The following B4GALNT1 variants were observed in gnomAD, a reference collection of about 807,000 sequenced individuals.
B4GALNT1 encodes beta-1,4-N-acetyl-galactosaminyltransferase 1, also known as beta-1,4 N-acetylgalactosaminyltransferase 1.
In B4GALNT1, 43 loss-of-function variants were observed where a neutral mutation model predicts 55.2. That is an observed-to-expected ratio of 0.78 (90% CI 0.61 to 1.00). The LOEUF is 1.00. Ranked by LOEUF, B4GALNT1 falls within the 50% of genes least tolerant of loss-of-function variation. The probability of loss-of-function intolerance (pLI) is 0.00; values close to 1 mark genes in which losing one functional copy is unlikely to be tolerated. For synonymous variants in B4GALNT1, 305 were observed against 311.6 expected (o/e 0.98, Z 0.22); for missense variants, 664 against 729.7 (o/e 0.91, Z 1.04).
rs770271939 is a variant in B4GALNT1, at chr12:57,623,785, G to A, written c.*2959C>T. 146 of 1,516,584 alleles carry A rather than the reference G, an allele frequency of 9.6e-5. 1 individual carries two copies. In the Middle Eastern group the frequency reaches 1.9e-3, roughly 20 times the overall value. 93.9% of individuals were successfully genotyped at this position (1,516,584 alleles called of 1,614,324 possible). A position where few individuals can be genotyped will look rare whatever the true frequency, so the allele number is the denominator to read the frequency against. On this transcript the variant is annotated 3_prime_UTR_variant, in exon 11 of 11. Coordinates refer to ENST00000341156, the MANE Select transcript of B4GALNT1 (RefSeq NM_001478.5). ...TGGGCAGGAAGACCAGCTCTCATGT[G>A]GGGGTGGGAGGCTCTCTTCCTTTTT...
Position 57,625,366 on chromosome 12 carries a change from T to TA in B4GALNT1, c.*1377dup, listed in dbSNP as rs946385664. On this transcript the variant is annotated 3_prime_UTR_variant, in exon 11 of 11. Coordinates refer to ENST00000341156, the MANE Select transcript of B4GALNT1 (RefSeq NM_001478.5). The stretch of plus-strand genomic sequence containing the variant: ...GAGAAACCCCTTAGCATCTCACTCA[T>TA]ACCCTCTGATCTGGGACTTAACCCC... The TA allele has an allele frequency of 2.5e-6, 4 of 1,613,986 alleles. No homozygotes were observed. The highest frequency in any genetic ancestry group is 1.6e-4 in the Middle Eastern group (1 of 6,084).
At chr12:57,632,517 C>G (rs1395696754) in intron 1 of B4GALNT1, 1 of 336,100 alleles carries the variant, frequency 3.0e-6, no homozygotes, top group Non-Finnish European at 5.7e-6. Flanking sequence ...CGGCGCGCCC[C>G]CGACTCCTCA....
In B4GALNT1 at chr12:57,623,543, G is replaced by T; in HGVS notation, c.*3201C>A. The T allele has an allele frequency of 2.0e-6, 1 of 498,400 alleles. No homozygotes were observed. Among genetic ancestry groups the T allele is most frequent in the South Asian group, 2.5e-5 (1 of 40,408 alleles). The allele number at this position is 498,400 out of a possible 1,614,324, so 30.9% of individuals were successfully genotyped here. ...CTGGTGCCCTAAACACATATACCCT[G>T]CTTATAGGGTAACCCAACAGTGGCT... On this transcript the variant is annotated 3_prime_UTR_variant, in exon 11 of 11. Transcript: ENST00000341156.
At chr12:57,627,519 G>A in intron 10 of B4GALNT1, 99 bp downstream of exon 10, 2 of 1,438,718 alleles carry the variant, frequency 1.4e-6, no homozygotes, top group Non-Finnish European at 1.8e-6. Flanking sequence ...TCCCGCTGGC[G>A]GCTGGGCGCG....
intron 7 of B4GALNT1, 30 bp from the exon 8 acceptor site, chr12:57,628,933 G>T (rs749312838): frequency 1.2e-6 from 2 of 1,613,480 alleles, no homozygotes; most frequent in Admixed American, 3.3e-5. Context: ...GTTGGGTGCA[G>T]ACAAGGAGGG....
At chr12:57,630,663 T>C (rs544063075) in intron 4 of B4GALNT1, 145 bp from the exon 5 acceptor site, 29 of 1,037,550 alleles carry the variant, frequency 2.8e-5, no homozygotes, top group Non-Finnish European at 3.6e-5. Flanking sequence ...CTGTATAACA[T>C]AGCCTACAGT....
chr12:57,630,580 C>A, intron 4 of B4GALNT1, 62 bp from the exon 5 acceptor site: 1 of 1,523,614 alleles, frequency 6.6e-7, no homozygotes, highest in Non-Finnish European at 8.8e-7. Context: ...TTCTCATTTT[C>A]TCTCCCTGCT....
chr12:57,631,357 C>G lies in B4GALNT1; in HGVS notation c.226G>C (p.Ala76Pro). Reference sequence around the variant, plus strand: ...GACTCACAACTGCAGTTGTTCCAAGCCAGCAGCCTGAAGGGGGTAGGTAGT... The same window carrying G: ...GACTCACAACTGCAGTTGTTCCAAGGCAGCAGCCTGAAGGGGGTAGGTAGT... ...RIKEQVVGLL[A>P]WNNCSCESSG... The change falls in exon 3 of 11, where the codon GCT becomes CCT. Residue 76 changes from alanine to proline, a missense_variant. By Grantham distance (27) the Ala-to-Pro change is conservative (BLOSUM62 -1). Transcript: ENST00000341156. 1 of 1,614,016 alleles carries G rather than the reference C, an allele frequency of 6.2e-7. No homozygotes were observed. The highest frequency in any genetic ancestry group is 8.5e-7 in the Non-Finnish European group (1 of 1,179,942).
rs774894 is a variant in B4GALNT1 at position 57,625,712 on chromosome 12, C to T, written c.*1032G>A. ...TGTTAAGGGGCAGTAGCACCAGGAG[C>T]GGGAGCCAGGAGGCACTGGGCTGCG... On this transcript the variant is annotated 3_prime_UTR_variant, in exon 11 of 11. Coordinates refer to ENST00000341156, the MANE Select transcript of B4GALNT1 (RefSeq NM_001478.5). The T allele has an allele frequency of 0.02, 30,603 of 1,539,452 alleles. 441 individuals are homozygous for T. Among genetic ancestry groups the T allele is most frequent in the African/African-American group, 0.063 (4,588 of 72,640 alleles).
intron 4 of B4GALNT1, 122 bp downstream of exon 4, chr12:57,630,858 G>T: frequency 1.0e-6 from 1 of 979,790 alleles, no homozygotes; most frequent in Non-Finnish European, 1.5e-6. Flanking sequence ...TTGAGCTTAA[G>T]TCCCCCATTC....
At chr12:57,631,127 G>A in intron 3 of B4GALNT1, 41 bp from the exon 4 acceptor site, 16 of 1,609,028 alleles carry the variant, frequency 9.9e-6, no homozygotes, top group Non-Finnish European at 1.3e-5. Context: ...GAGTCGGGGG[G>A]AGAGGGTCTC....
Position 57,623,496 on chromosome 12 carries a change from AT to A in B4GALNT1, c.*3247del. On this transcript the variant is annotated 3_prime_UTR_variant, in exon 11 of 11. Transcript: ENST00000341156. ...TCACATATCAAAGTCTCCCCCTAATATTTTTGGTTTCCCTTACTTTGCTGGT... is the reference window on the plus strand; with the variant it reads ...TCACATATCAAAGTCTCCCCCTAATATTTTGGTTTCCCTTACTTTGCTGGT... The A allele has an allele frequency of 4.7e-6, 2 of 429,798 alleles. No homozygotes were observed. Among genetic ancestry groups the A allele is most frequent in the Non-Finnish European group, 8.3e-6 (2 of 242,174 alleles). 26.6% of individuals were successfully genotyped at this position (429,798 alleles called of 1,614,324 possible).
rs769459695 is a variant in B4GALNT1 at position 57,624,969 on chromosome 12, G to T, written c.*1775C>A. 1 of 1,614,196 alleles carries T rather than the reference G, an allele frequency of 6.2e-7. No homozygotes were observed. The highest frequency in any genetic ancestry group is 8.5e-7 in the Non-Finnish European group (1 of 1,180,028). On this transcript the variant is annotated 3_prime_UTR_variant, in exon 11 of 11. Transcript: ENST00000341156. ...AACCTGGAGTGGCACCTGGGGCTCG[G>T]AGAAGGAGAAAAGGTGAAGGAGCTT...
At chr12:57,631,617 C>T (rs1168986606) in intron 2 of B4GALNT1, among the ~76,000 whole-genome samples, 2 of 152,170 alleles carry the variant, frequency 1.3e-5, no homozygotes, top group Non-Finnish European at 2.9e-5. Flanking sequence ...ACCCACCAAC[C>T]AGGACCCCAC....
At chr12:57,627,429 A>G (rs1024894219) in intron 10 of B4GALNT1, among the ~76,000 whole-genome samples, 189 bp downstream of exon 10, 1 of 150,434 alleles carries the variant, frequency 6.6e-6, no homozygotes, top group Non-Finnish European at 1.5e-5. Context: ...AAAAAAGAGT[A>G]TGCGGGGCTG....
intron 10 of B4GALNT1, 120 bp downstream of exon 10, chr12:57,627,498 T>C (rs1884902381): frequency 2.3e-6 from 3 of 1,300,250 alleles, no homozygotes; most frequent in South Asian, 3.3e-5. Context: ...ACTGCAGAAC[T>C]GTTCTGGGGT....
intron 2 of B4GALNT1, 116 bp downstream of exon 2, chr12:57,631,799 C>T: frequency 9.2e-7 from 1 of 1,089,500 alleles, no homozygotes; most frequent in Non-Finnish European, 1.2e-6. Flanking sequence ...CCTCCCACTT[C>T]ACTCCACACA....
At chr12:57,630,752 AAAG>A (rs1325544567) in intron 4 of B4GALNT1, among the ~76,000 whole-genome samples, 1 of 152,202 alleles carries the variant, frequency 6.6e-6, no homozygotes, top group Non-Finnish European at 1.5e-5. Flanking sequence ...GTTAGTCAGC[AAAG>A]AATAGATTAT....
In B4GALNT1 at chr12:57,624,093, G is replaced by A. The variant is rs894298351; in HGVS notation, c.*2651C>T. On this transcript the variant is annotated 3_prime_UTR_variant, in exon 11 of 11. Coordinates refer to ENST00000341156, the MANE Select transcript of B4GALNT1 (RefSeq NM_001478.5). The stretch of plus-strand genomic sequence containing the variant: ...ACAACTATGGCACATCAGCCGAGTG[G>A]ACTTTGTGAGAAATGCCATTACCCC... 3.7e-6 allele frequency: 6 copies of A among 1,613,780 alleles called. No individual in the cohort carries two copies. The South Asian group carries it at 6.6e-5, about 18-fold the overall frequency.
Sources: allele counts gnomAD v4.1 joint callset (sites outside exome capture counted in the v4.1 genomes callset), GRCh38; gene constraint gnomAD v4.1.1; transcripts MANE v1.5; gene names NCBI Gene and HGNC (gene_info 2026-07-23, HGNC 2026-07-21).